Variants in PCDHA12 observed in about 807,000 individuals in gnomAD.
PCDHA12 encodes the protein protocadherin alpha 12.
In PCDHA12, 44 loss-of-function variants were observed where a neutral mutation model predicts 60.0. The observed-to-expected ratio is 0.73, with a 90% confidence interval of 0.58 to 0.94. The LOEUF is 0.94. PCDHA12 is among the 40% of genes least tolerant of loss of function. The probability of loss-of-function intolerance (pLI) is 0.00; values close to 1 mark genes in which losing one functional copy is unlikely to be tolerated. For missense variants in PCDHA12, 1,276 were observed against 1,239.7 expected, an observed-to-expected ratio of 1.03 and a Z score of -0.44; for synonymous variants, 569 against 553.0, an observed-to-expected ratio of 1.03 and a Z score of -0.40.
rs1004548473 is a variant in PCDHA12 at position 141,011,507 on chromosome 5, G to T, written c.*1570G>T. Reference sequence around the variant, plus strand: ...CCTTTTGTACACCTGTGAAAAAGTGGAGTAGTGTTTTTTTAACCATTGTTA... The same window carrying T: ...CCTTTTGTACACCTGTGAAAAAGTGTAGTAGTGTTTTTTTAACCATTGTTA... On this transcript the variant is annotated 3_prime_UTR_variant, in exon 4 of 4. Transcript: ENST00000398631. 5.2e-5 allele frequency: 8 copies of T among 153,740 alleles called. No individual in the cohort carries two copies. The highest frequency in any genetic ancestry group is 1.9e-4 in the African/African-American group (8 of 41,440). The allele number at this position is 153,740 out of a possible 1,614,324, so 9.5% of individuals were successfully genotyped here. A position where few individuals can be genotyped will look rare whatever the true frequency, so the allele number is the denominator to read the frequency against.
chr5:140,979,088 A>G, intron 2 of PCDHA12, 81 bp downstream of exon 2: 1 of 1,559,594 alleles, frequency 6.4e-7, no homozygotes, highest in Non-Finnish European at 8.7e-7. Flanking sequence ...ATAGGCCAGA[A>G]GCAGCTGTCA....
chr5:140,898,843 C>G (rs1449030828), intron 1 of PCDHA12, among the ~76,000 whole-genome samples: 17 of 152,100 alleles, frequency 1.1e-4, no homozygotes, highest in Non-Finnish European at 1.3e-4. Context: ...TCTTCCATTT[C>G]TTTGTATCCT....
chr5:140,929,870 A>T (rs1056539262), intron 1 of PCDHA12: 1 of 153,262 alleles, frequency 6.5e-6, no homozygotes, highest in Admixed American at 6.5e-5. Flanking sequence ...AGGCTTTGTG[A>T]TAGAGATCAC....
intron 3 of PCDHA12, among the ~76,000 whole-genome samples, chr5:140,995,291 G>A (rs958346050): frequency 1.4e-4 from 22 of 152,086 alleles, no homozygotes; most frequent in African/African-American, 4.6e-4. Flanking sequence ...ACAGCCAGTC[G>A]GATACCAAGA....
intron 3 of PCDHA12, among the ~76,000 whole-genome samples, chr5:140,999,772 T>A (rs1186405321): frequency 6.6e-6 from 1 of 152,182 alleles, no homozygotes; most frequent in Non-Finnish European, 1.5e-5. Flanking sequence ...CTTTATACTC[T>A]TAACCTAGAA....
intron 1 of PCDHA12, among the ~76,000 whole-genome samples, chr5:140,975,757 A>G (rs779490429): frequency 6.6e-5 from 10 of 152,234 alleles, no homozygotes; most frequent in South Asian, 2.1e-4. Flanking sequence ...ATTCTATGTC[A>G]TAAATCACAG....
intron 2 of PCDHA12, among the ~76,000 whole-genome samples, chr5:140,980,702 G>A (rs1472407152): frequency 6.6e-6 from 1 of 151,558 alleles, no homozygotes; most frequent in Non-Finnish European, 1.5e-5. Flanking sequence ...AAAGCCAAAT[G>A]TGCTCCTATT....
chr5:140,923,566 C>T lies in PCDHA12; in HGVS notation c.2367+45727C>T, dbSNP rs149499154. ...AAATGAAATATCAGCAATGAAAGGT[C>T]CTGCTAAAGAGAAGGTTTGTTAATT... On this transcript the variant is annotated intron_variant, in intron 1 of 3. Coordinates refer to ENST00000398631, the MANE Select transcript of PCDHA12 (RefSeq NM_018903.4). 8.1e-3 allele frequency among the ~76,000 whole-genome samples: 1,228 copies of T among 152,208 alleles called. 6 individuals carry two copies. The highest frequency in any genetic ancestry group is 0.019 in the African/African-American group (794 of 41,538).
chr5:140,997,071 A>G lies in PCDHA12; in HGVS notation c.2516-12556A>G, dbSNP rs554920320. Among the ~76,000 whole-genome samples, 444 of 152,266 alleles carry G rather than the reference A, an allele frequency of 2.9e-3. 5 individuals carry two copies. Among genetic ancestry groups the G allele is most frequent in the Non-Finnish European group, 4.4e-3 (297 of 68,014 alleles). Reference sequence around the variant, plus strand: ...TTTAGAGCAGTTTTAGGTTCACAGGAAAGTTGAGTAGAAAGTGCAGAGTTC... The same window carrying G: ...TTTAGAGCAGTTTTAGGTTCACAGGGAAGTTGAGTAGAAAGTGCAGAGTTC... On this transcript the variant is annotated intron_variant, in intron 3 of 3. Coordinates refer to ENST00000398631, the MANE Select transcript of PCDHA12 (RefSeq NM_018903.4).
rs1029317869 is a variant in PCDHA12 at position 140,928,735 on chromosome 5, A to G, written c.2368-50214A>G. ...TAGTCTCTTTAGAATTTCAGCCAAT[A>G]TAGGTGAGCTCCGTACTGCTCGCTT... On this transcript the variant is annotated intron_variant, in intron 1 of 3. Coordinates refer to ENST00000398631, the MANE Select transcript of PCDHA12 (RefSeq NM_018903.4). 35 of 1,614,082 alleles carry G rather than the reference A, an allele frequency of 2.2e-5. No individual in the cohort carries two copies. The highest frequency in any genetic ancestry group is 2.9e-5 in the Non-Finnish European group (34 of 1,180,020).
rs539246204 is a variant in PCDHA12 at position 140,883,140 on chromosome 5, A to G, written c.2367+5301A>G. On this transcript the variant is annotated intron_variant, in intron 1 of 3. Coordinates refer to ENST00000398631, the MANE Select transcript of PCDHA12 (RefSeq NM_018903.4). The stretch of plus-strand genomic sequence containing the variant: ...AGGCCTGTATGGCCTGCAGTGGTAT[A>G]TGCATTTACCATAAATCCGAACAAT... 9 of 1,614,118 alleles carry G rather than the reference A, an allele frequency of 5.6e-6. No individual in the cohort carries two copies. The South Asian group carries it at 9.9e-5, about 18-fold the overall frequency.
At chr5:140,937,954 G>A (rs1209058625) in intron 1 of PCDHA12, among the ~76,000 whole-genome samples, 2 of 151,226 alleles carry the variant, frequency 1.3e-5, no homozygotes, top group Non-Finnish European at 2.9e-5. Context: ...GGCTTTTGTT[G>A]AAAGTATATA....
chr5:140,968,813 A>T, intron 1 of PCDHA12: 2 of 1,614,194 alleles, frequency 1.2e-6, no homozygotes, highest in Non-Finnish European at 1.7e-6. Context: ...TGTGGTGGAT[A>T]GGGTTTCCAA....
intron 1 of PCDHA12, among the ~76,000 whole-genome samples, chr5:140,948,380 C>T (rs1554218531): frequency 2.6e-5 from 4 of 151,612 alleles, no homozygotes; most frequent in African/African-American, 4.8e-5. Flanking sequence ...GTTCCTTCCT[C>T]TATTTTCTGA....
In PCDHA12 at chr5:140,952,330, C is replaced by A. The variant is rs564242872; in HGVS notation, c.2368-26619C>A. On this transcript the variant is annotated intron_variant, in intron 1 of 3. Transcript: ENST00000398631. ...TCCAGCCTGGGCAACAAGAGTGAAACTCCATCTCAAAAAAAAAAAAAAAAG... is the reference window on the plus strand; with the variant it reads ...TCCAGCCTGGGCAACAAGAGTGAAAATCCATCTCAAAAAAAAAAAAAAAAG... Among the ~76,000 whole-genome samples the A allele has an allele frequency of 2.2e-4, 26 of 120,342 alleles. No individual in the cohort carries two copies. The South Asian group carries it at 3.3e-3, about 15-fold the overall frequency. The allele number at this position is 120,342 out of a possible 152,430, so 78.9% of individuals were successfully genotyped here. A position where few individuals can be genotyped will look rare whatever the true frequency, so the allele number is the denominator to read the frequency against.
intron 3 of PCDHA12, among the ~76,000 whole-genome samples, chr5:140,990,165 G>A (rs2097378132): frequency 6.6e-6 from 1 of 152,126 alleles, no homozygotes; most frequent in African/African-American, 2.4e-5. Flanking sequence ...GTTAGGGTAT[G>A]AAAAGGTGAC....
chr5:140,943,139 TC>T (rs1314499841), intron 1 of PCDHA12, among the ~76,000 whole-genome samples: 5 of 151,168 alleles, frequency 3.3e-5, no homozygotes, highest in Non-Finnish European at 5.9e-5. Flanking sequence ...GTGCCTGTAG[TC>T]CCAGCTACTC....
chr5:141,003,654 A>G (rs1451170896), intron 3 of PCDHA12, among the ~76,000 whole-genome samples: 1 of 152,212 alleles, frequency 6.6e-6, no homozygotes, highest in Non-Finnish European at 1.5e-5. Flanking sequence ...ATCTGTATGC[A>G]TTTATTAAAA....
intron 1 of PCDHA12, among the ~76,000 whole-genome samples, chr5:140,952,351 A>G (rs1217158530): frequency 8.3e-6 from 1 of 120,612 alleles, no homozygotes; most frequent in Non-Finnish European, 1.8e-5. Flanking sequence ...AAAAAAAAAA[A>G]AAAGAAAGAA....
Sources: gnomAD v4.1 joint callset for allele counts (sites outside exome capture counted in the v4.1 genomes callset) on GRCh38, gnomAD v4.1.1 for gene constraint, MANE v1.5 for transcripts, NCBI Gene and HGNC (gene_info 2026-07-23, HGNC 2026-07-21) for gene names.